Variants in CREB3L2 observed in about 807,000 individuals in gnomAD.
CREB3L2 encodes cyclic AMP-responsive element-binding protein 3-like protein 2.
In CREB3L2, 23 loss-of-function variants were observed where a neutral mutation model predicts 57.2. That is an observed-to-expected ratio of 0.40 (90% confidence interval 0.29 to 0.57). CREB3L2 has a LOEUF of 0.57. CREB3L2 is among the 20% of genes least tolerant of loss of function. CREB3L2 has a pLI of 0.42. For missense variants in CREB3L2, 628 were observed against 634.7 expected (o/e 0.99, Z 0.11); for synonymous variants, 268 against 265.1 (o/e 1.01, Z -0.11).
At chr7:137,899,103 A>AGGAAGGAAGGAAGGAAGGAAGGAAGGAG (rs1799691969) in intron 8 of CREB3L2, among the ~76,000 whole-genome samples, 1 of 31,618 alleles carries the variant, frequency 3.2e-5, no homozygotes, top group Admixed American at 3.1e-4. Context: ...AAGAGAAGGA[A>AGGAAGGAAGGAAGGAAGGAAGGAAGGAG]GGAAGGAAGG....
chr7:137,898,068 CA>C (rs1799664496), intron 8 of CREB3L2, among the ~76,000 whole-genome samples: 2 of 152,212 alleles, frequency 1.3e-5, no homozygotes, highest in African/African-American at 4.8e-5. Flanking sequence ...AACTCAATAT[CA>C]AAAACAACCA....
At chr7:137,885,361 A>G in intron 9 of CREB3L2, 42 bp downstream of exon 9, 2 of 1,521,600 alleles carry the variant, frequency 1.3e-6, no homozygotes, top group Non-Finnish European at 1.8e-6. Flanking sequence ...GACAGGGGCC[A>G]GGCCAGGGGC....
chr7:137,942,680 T>C (rs1477117462), intron 1 of CREB3L2, among the ~76,000 whole-genome samples: 1 of 152,210 alleles, frequency 6.6e-6, no homozygotes, highest in Non-Finnish European at 1.5e-5. Context: ...CAAACAGAGA[T>C]ATTCTGCAGT....
chr7:137,899,509 T>C (rs1048318853), intron 8 of CREB3L2, among the ~76,000 whole-genome samples: 2 of 152,170 alleles, frequency 1.3e-5, no homozygotes, highest in African/African-American at 4.8e-5. Flanking sequence ...ATACATATGC[T>C]GGCTCGGGGA....
intron 1 of CREB3L2, chr7:137,953,474 C>A (rs910858706): frequency 4.7e-6 from 6 of 1,288,884 alleles, no homozygotes; most frequent in Middle Eastern, 2.1e-4. Flanking sequence ...GTTAAATGTT[C>A]TTTAAAAAGC....
In CREB3L2 at chr7:137,980,828, T is replaced by C. The variant is rs1184426799; in HGVS notation, c.102+20776A>G. ...TCTAAGAGTGACCAGCTCCTCTCTT[T>C]GCCTCTCCTGCTCTTTACTGATGCA... On this transcript the variant is annotated intron_variant, in intron 1 of 11. Coordinates refer to ENST00000330387, the MANE Select transcript of CREB3L2 (RefSeq NM_194071.4). The surrounding 1 kb of genome is among the most constrained non-coding windows in gnomAD (Gnocchi z 4.3). Among the ~76,000 whole-genome samples, 6 of 152,218 alleles carry C rather than the reference T, an allele frequency of 3.9e-5. No homozygotes were observed. The highest frequency in any genetic ancestry group is 1.2e-4 in the African/African-American group (5 of 41,460).
Position 137,901,373 on chromosome 7 carries a change from C to A in CREB3L2, c.1024G>T (p.Val342Phe). 1 of 1,603,218 alleles carries A rather than the reference C, an allele frequency of 6.2e-7. No homozygotes were observed. The highest frequency in any genetic ancestry group is 8.5e-7 in the Non-Finnish European group (1 of 1,170,442). ...ACTTACCTATTAGTGTTCTCTAGAA[C>A]CTCTACCTTCTTCCGAAGCTCCAAG... ...ENLELRKKVE[V>F]LENTNRTLLQ... Residue 342 changes from valine to phenylalanine, a missense_variant, in exon 8 of 12, where the codon GTT becomes TTT. Transcript: ENST00000330387.
chr7:137,924,620 A>G (rs528206684), intron 2 of CREB3L2, among the ~76,000 whole-genome samples: 2 of 151,808 alleles, frequency 1.3e-5, no homozygotes, highest in African/African-American at 2.4e-5. Flanking sequence ...ACCTCATGAC[A>G]TGTTTTTTTT....
At chr7:137,911,085 T>C (rs1585616317) in intron 4 of CREB3L2, among the ~76,000 whole-genome samples, 1 of 152,310 alleles carries the variant, frequency 6.6e-6, no homozygotes, top group East Asian at 1.9e-4. Context: ...ACAGCATAAA[T>C]TAAAAGAGTA....
intron 8 of CREB3L2, among the ~76,000 whole-genome samples, chr7:137,900,383 T>C (rs1799726625): frequency 6.6e-6 from 1 of 152,220 alleles, no homozygotes; most frequent in African/African-American, 2.4e-5. Flanking sequence ...GTGCTTAAAA[T>C]AGCACTGGGC....
chr7:137,885,270 G>T (rs1585589805), intron 9 of CREB3L2, 133 bp downstream of exon 9: 1 of 1,184,624 alleles, frequency 8.4e-7, no homozygotes, highest in Non-Finnish European at 1.2e-6. Context: ...CCTCACCGAG[G>T]AACAGCCTCA....
In CREB3L2 at chr7:138,001,763, T is replaced by A. The variant is rs1802082125; in HGVS notation, c.-58A>T. 1 of 1,286,368 alleles carries A rather than the reference T, an allele frequency of 7.8e-7. No individual in the cohort carries two copies. The highest frequency in any genetic ancestry group is 1.1e-6 in the Non-Finnish European group (1 of 950,118). 79.7% of individuals were successfully genotyped at this position (1,286,368 alleles called of 1,614,324 possible). Reference sequence around the variant, plus strand: ...AAGCGCAGGAGGGGACGCGCAGAGCTGCCTCGGACCGGCAAGGTTCCTCTC... The same window carrying A: ...AAGCGCAGGAGGGGACGCGCAGAGCAGCCTCGGACCGGCAAGGTTCCTCTC... On this transcript the variant is annotated 5_prime_UTR_variant, in exon 1 of 12. Transcript: ENST00000330387. The surrounding 1 kb of genome is among the most constrained non-coding windows in gnomAD (Gnocchi z 4.2).
Position 137,908,410 on chromosome 7 carries a change from G to T in CREB3L2, c.610C>A (p.Pro204Thr). 7.9e-7 allele frequency: 1 copy of T among 1,266,058 alleles called. No individual in the cohort carries two copies. 78.4% of individuals were successfully genotyped at this position (1,266,058 alleles called of 1,614,324 possible). ...CTGCCGTGACTGCTCGGAGGGGTGG[G>T]CGGCAAATGCAGGTGGTCCACTGGG... Reference protein sequence around the residue: ...EAPVDHLHLPPTPPSSHGSDS... With the variant: ...EAPVDHLHLPTTPPSSHGSDS... Residue 204 changes from proline (P) to threonine (T), a missense_variant, in exon 5 of 12, where the codon CCC (proline) becomes ACC (threonine). By Grantham distance (38) the Pro-to-Thr change is conservative (BLOSUM62 -1). Around this residue, in one of 3 missense-constraint regions of CREB3L2, gnomAD observed 339 missense variants for 355.4 expected, o/e 0.95. Coordinates refer to ENST00000330387, the MANE Select transcript of CREB3L2 (RefSeq NM_194071.4).
chr7:137,912,363 G>A (rs1800027491), intron 4 of CREB3L2, among the ~76,000 whole-genome samples: 1 of 145,934 alleles, frequency 6.9e-6, no homozygotes, highest in African/African-American at 2.6e-5. Flanking sequence ...GTAACAGAGT[G>A]AGACTCTGTC....
At chr7:137,975,571 C>G (rs1008692463) in intron 1 of CREB3L2, among the ~76,000 whole-genome samples, 1 of 152,160 alleles carries the variant, frequency 6.6e-6, no homozygotes, top group Non-Finnish European at 1.5e-5. Context: ...TCATTCTGCA[C>G]ACTTCGGGGA....
At chr7:137,972,158 G>A (rs963617108) in intron 1 of CREB3L2, among the ~76,000 whole-genome samples, 7 of 152,184 alleles carry the variant, frequency 4.6e-5, no homozygotes, top group African/African-American at 2.4e-5. Flanking sequence ...GCTCATGCCT[G>A]TAATCCCAAC....
At position 137,922,442 on chromosome 7, in the gene CREB3L2, A is replaced by ATG. The variant is rs1800342488; in HGVS notation, c.319+5707_319+5708insCA. 5 of 98,140 alleles carry ATG rather than the reference A, an allele frequency of 5.1e-5. 1 individual carries two copies. Among genetic ancestry groups the ATG allele is most frequent in the African/African-American group, 3.7e-4 (4 of 10,678 alleles). The allele number at this position is 98,140 out of a possible 1,614,324, so 6.1% of individuals were successfully genotyped here. Reference sequence around the variant, plus strand: ...TATATATATATATATATATACGTATATATATATATATACACACATATATAT... The same window carrying ATG: ...TATATATATATATATATATACGTATATGTATATATATATACACACATATATAT... On this transcript the variant is annotated intron_variant, in intron 2 of 11. Transcript: ENST00000330387.
At chr7:137,909,008 G>A (rs1037079427) in intron 4 of CREB3L2, among the ~76,000 whole-genome samples, 2 of 152,156 alleles carry the variant, frequency 1.3e-5, no homozygotes, top group Non-Finnish European at 2.9e-5. Flanking sequence ...GCTGAGGCAG[G>A]AGAATTGCTT....
intron 1 of CREB3L2, among the ~76,000 whole-genome samples, chr7:137,981,663 G>A (rs139681901): frequency 2.4e-4 from 36 of 152,360 alleles, no homozygotes; most frequent in Non-Finnish European, 3.8e-4. Context: ...ATGAATGAAT[G>A]TGGGGGCCAG....
Sources: gnomAD v4.1 joint callset for allele counts (sites outside exome capture counted in the v4.1 genomes callset) on GRCh38, gnomAD v4.1.1 for gene constraint, gnomAD v4.1.1 regional missense constraint, Gnocchi (gnomAD v3.1) non-coding constraint, MANE v1.5 for transcripts, NCBI Gene and HGNC (gene_info 2026-07-23, HGNC 2026-07-21) for gene names.